The following KIAA0753 variants were observed in gnomAD, a reference collection of about 807,000 sequenced individuals.
KIAA0753 encodes the protein KIAA0753.
Under a neutral mutation model 116.9 loss-of-function variants are expected in KIAA0753, and 114 were observed. The ratio of observed to expected loss-of-function variants is 0.98; its 90% confidence interval spans 0.84 to 1.14. The LOEUF is 1.14. KIAA0753 is among the 50% of genes most tolerant of loss of function. The probability of loss-of-function intolerance (pLI) is 0.00; values close to 1 mark genes in which losing one functional copy is unlikely to be tolerated. For synonymous variants in KIAA0753, 405 were observed against 413.1 expected, an observed-to-expected ratio of 0.98 and a Z score of 0.24; for missense variants, 1,156 against 1,172.4, an observed-to-expected ratio of 0.99 and a Z score of 0.20.
chr17:6,622,227 G>A (rs146852374), intron 6 of KIAA0753, among the ~76,000 whole-genome samples: 6 of 152,262 alleles, frequency 3.9e-5, no homozygotes, highest in African/African-American at 1.2e-4. Context: ...TCATCTCTCC[G>A]ATGTTTGCTT....
At chr17:6,634,901 A>C in intron 2 of KIAA0753, 110 bp downstream of exon 2, 5 of 695,806 alleles carry the variant, frequency 7.2e-6, no homozygotes, top group Non-Finnish European at 1.2e-5. Context: ...AAAAATTGTT[A>C]GCAATTGCTG....
intron 11 of KIAA0753, 47 bp downstream of exon 11, chr17:6,607,134 T>C (rs368416072): frequency 2.0e-6 from 3 of 1,471,156 alleles, no homozygotes; most frequent in Non-Finnish European, 2.9e-6. Flanking sequence ...TATAGAGATG[T>C]AGAATAGGCC....
At chr17:6,594,312 T>G (rs2150766537) in intron 16 of KIAA0753, among the ~76,000 whole-genome samples, 1 of 147,032 alleles carries the variant, frequency 6.8e-6, no homozygotes. Flanking sequence ...AATAAATTTG[T>G]GCTTTAAGCC....
intron 10 of KIAA0753, among the ~76,000 whole-genome samples, chr17:6,608,088 C>T (rs1016508684): frequency 2.0e-5 from 3 of 152,006 alleles, no homozygotes; most frequent in African/African-American, 7.2e-5. Flanking sequence ...CTGTCACATA[C>T]AAAACTAGCA....
intron 6 of KIAA0753, among the ~76,000 whole-genome samples, chr17:6,622,241 T>TA (rs1415878879): frequency 3.3e-5 from 5 of 152,222 alleles, no homozygotes; most frequent in African/African-American, 9.6e-5. Flanking sequence ...TTTGCTTTTC[T>TA]AAAAAAATTT....
At position 6,628,473 on chromosome 17, in the gene KIAA0753, T is replaced by C; in HGVS notation, c.362A>G (p.His121Arg). Residue 121 changes from histidine to arginine, a missense_variant, in exon 3 of 19, where the codon CAT (histidine) becomes CGT (arginine). His to Arg is a conservative substitution (Grantham distance 29, BLOSUM62 0). Transcript: ENST00000361413. Reference protein sequence around the residue: ...RQFEKHIKEHHLRSQPQSSQK... With the variant: ...RQFEKHIKEHRLRSQPQSSQK... ...AGAGCTTTGAGGCTGACTTCTGAGATGATGTTCTTTTATATGTTTTTCAAA... is the reference window on the plus strand; with the variant it reads ...AGAGCTTTGAGGCTGACTTCTGAGACGATGTTCTTTTATATGTTTTTCAAA... The C allele has an allele frequency of 6.2e-7, 1 of 1,614,238 alleles. No homozygotes were observed. Among genetic ancestry groups the C allele is most frequent in the Non-Finnish European group, 8.5e-7 (1 of 1,180,042 alleles).
chr17:6,606,414 T>C (rs755267985), intron 12 of KIAA0753, among the ~76,000 whole-genome samples: 4 of 152,226 alleles, frequency 2.6e-5, no homozygotes, highest in Non-Finnish European at 5.9e-5. Context: ...ATAGTGCCTA[T>C]AGTTTAAAAA....
Position 6,621,015 on chromosome 17 carries a change from CAATT to C in KIAA0753, c.1105-21_1105-18del, listed in dbSNP as rs1186005297. ...TTCCAAAGCCTGCCACAAAAACAAT[CAATT>C]ATTCTCTTAGTTTATCTCGCAAAAG... is the stretch of plus-strand genomic sequence containing the variant. On this transcript the variant is annotated intron_variant, in intron 6 of 18. Transcript: ENST00000361413. 3.1e-6 allele frequency: 5 copies of C among 1,608,856 alleles called. No homozygotes were observed.
Position 6,623,550 on chromosome 17 carries a change from A to G in KIAA0753, c.847T>C (p.Leu283=), listed in dbSNP as rs1971465921. ...QQQVKEIQEE[L]DKLSPHKIKH... ...ATTTTATGTGGACTCAATTTATCCAATTCTTCCTGGATTTCTTTTACCTGT... is the reference window on the plus strand; with the variant it reads ...ATTTTATGTGGACTCAATTTATCCAGTTCTTCCTGGATTTCTTTTACCTGT... Residue 283 remains leucine, a synonymous_variant, in exon 5 of 19, where the codon TTG becomes CTG. Coordinates refer to ENST00000361413, the MANE Select transcript of KIAA0753 (RefSeq NM_014804.3). 8.1e-6 allele frequency: 13 copies of G among 1,610,702 alleles called. No homozygotes were observed. In the East Asian group the frequency reaches 2.5e-4, roughly 30 times the overall value.
chr17:6,585,415 T>A (rs879426968), intron 18 of KIAA0753, among the ~76,000 whole-genome samples: 4 of 152,244 alleles, frequency 2.6e-5, no homozygotes, highest in Non-Finnish European at 5.9e-5. Context: ...ATCTAAAGAC[T>A]AACAGTCTTC....
At chr17:6,611,830 G>A (rs968782965) in intron 8 of KIAA0753, 89 bp downstream of exon 8, 2 of 1,022,102 alleles carry the variant, frequency 2.0e-6, no homozygotes, top group Non-Finnish European at 3.0e-6. Flanking sequence ...CCAATTGCCT[G>A]AGAACTGGCT....
chr17:6,616,440 A>T (rs989402538), intron 7 of KIAA0753, among the ~76,000 whole-genome samples: 4 of 152,242 alleles, frequency 2.6e-5, no homozygotes, highest in Non-Finnish European at 5.9e-5. Context: ...TTACATTTTT[A>T]CAGCAGTTAG....
intron 18 of KIAA0753, among the ~76,000 whole-genome samples, chr17:6,587,336 T>C (rs1968652972): frequency 6.6e-6 from 1 of 152,086 alleles, no homozygotes; most frequent in South Asian, 2.1e-4. Context: ...CAGAGGAAAA[T>C]ATTGTAAAAA....
At position 6,620,934 on chromosome 17, in the gene KIAA0753, A is replaced by G; in HGVS notation, c.1169T>C (p.Ile390Thr). 6.2e-7 allele frequency: 1 copy of G among 1,614,060 alleles called. No homozygotes were observed. Among genetic ancestry groups the G allele is most frequent in the Non-Finnish European group, 8.5e-7 (1 of 1,180,014 alleles). ...GCTACCGATAGGAAATCTGCTCCGA[A>G]TTTCACTGAAACATTTTTTCACCTT... is the stretch of plus-strand genomic sequence containing the variant. ...PKKVKKCFSE[I>T]RSRFPIGSQK... is the part of the protein sequence containing the mutation. Residue 390 changes from isoleucine (I) to threonine (T), a missense_variant, in exon 7 of 19, where the codon ATT (isoleucine) becomes ACT (threonine). Ile to Thr is a moderately conservative substitution (Grantham distance 89). Transcript: ENST00000361413.
intron 1 of KIAA0753, chr17:6,635,857 C>T (rs1250439044): frequency 6.6e-6 from 1 of 152,274 alleles, no homozygotes; most frequent in African/African-American, 2.4e-5. Context: ...CTGCCACTCA[C>T]GTACTGATCA....
At position 6,607,519 on chromosome 17, in the gene KIAA0753, A is replaced by G. The variant is rs1242977988; in HGVS notation, c.1830-249T>C. On this transcript the variant is annotated intron_variant, in intron 10 of 18. Transcript: ENST00000361413. ...AACGTTCTCAAGAAAACCAGCTATCACTCAGACTTGGGGTTTCTTATTAGA... is the reference window on the plus strand; with the variant it reads ...AACGTTCTCAAGAAAACCAGCTATCGCTCAGACTTGGGGTTTCTTATTAGA... 5.3e-5 allele frequency among the ~76,000 whole-genome samples: 8 copies of G among 152,152 alleles called. No homozygotes were observed. In the East Asian group the frequency reaches 1.2e-3, roughly 22 times the overall value.
intron 18 of KIAA0753, among the ~76,000 whole-genome samples, chr17:6,589,439 G>A (rs960871433): frequency 1.3e-5 from 2 of 150,870 alleles, no homozygotes; most frequent in Non-Finnish European, 3.0e-5. Context: ...ATTCTGTGAT[G>A]ACAGCCTGAG....
chr17:6,611,836 T>C, intron 8 of KIAA0753, 83 bp downstream of exon 8: 1 of 1,100,904 alleles, frequency 9.1e-7, no homozygotes, highest in Non-Finnish European at 1.4e-6. Context: ...GCCTGAGAAC[T>C]GGCTCCACCA....
intron 14 of KIAA0753, among the ~76,000 whole-genome samples, chr17:6,597,878 AC>A (rs1470578224): frequency 1.3e-5 from 2 of 152,218 alleles, no homozygotes; most frequent in Non-Finnish European, 1.5e-5. Flanking sequence ...TTTCTTCTTC[AC>A]CATGCCAACT....
Sources: allele counts gnomAD v4.1 joint callset (sites outside exome capture counted in the v4.1 genomes callset), GRCh38; gene constraint gnomAD v4.1.1; transcripts MANE v1.5; gene names NCBI Gene and HGNC (gene_info 2026-07-23, HGNC 2026-07-21).